Variants in RAB34 observed in about 807,000 individuals in gnomAD.
RAB34 encodes ras-related protein Rab-34.
Under a neutral mutation model 39.0 loss-of-function variants are expected in RAB34, and 33 were observed. The ratio of observed to expected loss-of-function variants is 0.85; its 90% CI spans 0.64 to 1.13. The LOEUF is 1.13. Among genes scored for constraint, RAB34 ranks in the 50% most tolerant of loss-of-function variants. The pLI is 0.00. For missense variants in RAB34, 289 were observed against 326.1 expected (o/e 0.89, Z 0.88); for synonymous variants, 135 against 125.1 (o/e 1.08, Z -0.53).
chr17:28,717,747 C>G lies in RAB34; in HGVS notation c.-481G>C, dbSNP rs2033784635. The G allele has an allele frequency of 1.5e-6, 2 of 1,328,350 alleles. No individual in the cohort carries two copies. The highest frequency in any genetic ancestry group is 3.1e-5 in the East Asian group (1 of 32,670). The allele number at this position is 1,328,350 out of a possible 1,614,324, so 82.3% of individuals were successfully genotyped here. A position where few individuals can be genotyped will look rare whatever the true frequency, so the allele number is the denominator to read the frequency against. On this transcript the variant is annotated 5_prime_UTR_variant, in exon 1 of 10. Coordinates refer to ENST00000395245, the MANE Select transcript of RAB34 (RefSeq NM_031934.6). Reference sequence around the variant, plus strand: ...GGGGGCGCGGAGCGGCCCCGCCACACGGGGTCAGTGTGGGCAGGGGCGGCG... The same window carrying G: ...GGGGGCGCGGAGCGGCCCCGCCACAGGGGGTCAGTGTGGGCAGGGGCGGCG...
Position 28,717,317 on chromosome 17 carries a change from G to T in RAB34, c.-51C>A. 6.4e-7 allele frequency: 1 copy of T among 1,550,766 alleles called. No homozygotes were observed. The highest frequency in any genetic ancestry group is 1.2e-5 in the South Asian group (1 of 85,390). On this transcript the variant is annotated 5_prime_UTR_variant, in exon 1 of 10. Transcript: ENST00000395245. ...CTGAGAAGGCGCCGAGGCCGGATCC[G>T]CGTCAGCGACCCGGGCGCGTGGAGA...
chr17:28,715,106 G>A lies in RAB34; in HGVS notation c.530C>T (p.Ala177Val), dbSNP rs766545423. The A allele has an allele frequency of 3.4e-5, 55 of 1,613,960 alleles. No homozygotes were observed. The highest frequency in any genetic ancestry group is 1.7e-4 in the Admixed American group (10 of 60,012). Reference protein sequence around the residue: ...KKDLSTPAQYALMEKDALQVA... With the variant: ...KKDLSTPAQYVLMEKDALQVA... ...CTGGAGGGCGTCTTTCTCCATCAGC[G>A]CATACTGAGCAGGGGTCTGAGGGAA... is the stretch of plus-strand genomic sequence containing the variant. The change falls in exon 8 of 10, where the codon GCG (alanine) becomes GTG (valine). Residue 177 changes from alanine (A) to valine (V), a missense_variant. Physicochemically the swap from Ala to Val is moderately conservative, Grantham distance 64. Coordinates refer to ENST00000395245, the MANE Select transcript of RAB34 (RefSeq NM_031934.6).
Position 28,717,724 on chromosome 17 carries a change from G to A in RAB34, c.-458C>T. On this transcript the variant is annotated 5_prime_UTR_variant, in exon 1 of 10. Coordinates refer to ENST00000395245, the MANE Select transcript of RAB34 (RefSeq NM_031934.6). ...GCCCTACCATTACAGAGCGGCCCGG[G>A]GGCGCGGAGCGGCCCCGCCACACGG... 2 of 1,324,998 alleles carry A rather than the reference G, an allele frequency of 1.5e-6. No homozygotes were observed. Among genetic ancestry groups the A allele is most frequent in the Non-Finnish European group, 1.9e-6 (2 of 1,042,252 alleles). The allele number at this position is 1,324,998 out of a possible 1,614,324, so 82.1% of individuals were successfully genotyped here.
At chr17:28,718,324 G>A, upstream of RAB34, 2 of 1,460,056 alleles carry the variant, frequency 1.4e-6, no homozygotes, top group East Asian at 2.7e-5. Flanking sequence ...GGATGGTGGA[G>A]GGGAAGCGTG....
At chr17:28,716,742 G>T in intron 2 of RAB34, 161 bp downstream of exon 2, 7 of 811,666 alleles carry the variant, frequency 8.6e-6, no homozygotes, top group Non-Finnish European at 1.3e-5. Flanking sequence ...CAACAACCTT[G>T]TTGGGAGAAA....
At chr17:28,717,911 C>T (rs2033815203), upstream of RAB34, 1 of 1,353,346 alleles carries the variant, frequency 7.4e-7, no homozygotes, top group Non-Finnish European at 9.4e-7. Context: ...CGCCCCCCGC[C>T]CCTCTCCTGG....
chr17:28,715,926 T>C (rs771388212), intron 3 of RAB34, 25 bp from the exon 4 acceptor site: 1 of 1,612,922 alleles, frequency 6.2e-7, no homozygotes. Context: ...GATGCTGTGA[T>C]CTGGAGCCAG....
intron 5 of RAB34, 30 bp from the exon 6 acceptor site, chr17:28,715,537 T>C: frequency 1.2e-6 from 2 of 1,614,118 alleles, no homozygotes; most frequent in Non-Finnish European, 1.7e-6. Flanking sequence ...AGCCCCAGGT[T>C]GACAGGGAAG....
rs1450713610 is a variant in RAB34, at chr17:28,715,273, C to T, written c.435G>A (p.Gln145=). Residue 145 remains glutamine (Q), a synonymous_variant, in exon 7 of 10, where the codon CAG becomes CAA. Transcript: ENST00000395245. ...TCTCCTTCAGGGCATCGGCCAGCCA[C>T]TGCCTGCCATGGGAGGTGGAAAGTA... ...NDVASLEHTK[Q]WLADALKEND... 14 of 1,613,056 alleles carry T rather than the reference C, an allele frequency of 8.7e-6. No homozygotes were observed. The highest frequency in any genetic ancestry group is 1.0e-5 in the Non-Finnish European group (12 of 1,179,736).
chr17:28,715,348 A>G (rs767372508), intron 6 of RAB34, 72 bp from the exon 7 acceptor site: 255 of 1,580,480 alleles, frequency 1.6e-4, no homozygotes, highest in Non-Finnish European at 2.1e-4. Flanking sequence ...CATAGGCCCA[A>G]TTACCCCCTC....
upstream of RAB34, chr17:28,717,939 G>GCCCCCCCCCCCCCCCCC: frequency 8.3e-7 from 1 of 1,206,612 alleles, no homozygotes; most frequent in South Asian, 2.1e-5. Flanking sequence ...AGGCCTCGCT[G>GCCCCCCCCCCCCCCCCC]CCCGCCCTCG....
In RAB34 at chr17:28,717,319, G is replaced by C. The variant is rs750050761; in HGVS notation, c.-53C>G. ...GAGAAGGCGCCGAGGCCGGATCCGCGTCAGCGACCCGGGCGCGTGGAGACC... is the reference window on the plus strand; with the variant it reads ...GAGAAGGCGCCGAGGCCGGATCCGCCTCAGCGACCCGGGCGCGTGGAGACC... On this transcript the variant is annotated 5_prime_UTR_variant, in exon 1 of 10. Coordinates refer to ENST00000395245, the MANE Select transcript of RAB34 (RefSeq NM_031934.6). 24 of 1,549,406 alleles carry C rather than the reference G, an allele frequency of 1.5e-5. No homozygotes were observed. In the South Asian group the frequency reaches 1.9e-4, roughly 12 times the overall value.
upstream of RAB34, chr17:28,718,146 C>A (rs375204292): frequency 1.7e-5 from 27 of 1,610,808 alleles, no homozygotes; most frequent in Non-Finnish European, 2.0e-5. Context: ...GATGGGGAAT[C>A]GGAGACTGCT....
At chr17:28,717,033 C>G in intron 1 of RAB34, 39 bp from the exon 2 acceptor site, 5 of 1,606,200 alleles carry the variant, frequency 3.1e-6, no homozygotes, top group Non-Finnish European at 4.3e-6. Context: ...GCTTCCTACT[C>G]CTGGCCCTTG....
chr17:28,716,165 G>T, intron 2 of RAB34, 107 bp from the exon 3 acceptor site: 1 of 1,519,712 alleles, frequency 6.6e-7, no homozygotes, highest in Non-Finnish European at 9.0e-7. Context: ...CCAGGCTGAG[G>T]GTATTATAGA....
At chr17:28,717,174 G>A in intron 1 of RAB34, 39 bp downstream of exon 1, 1 of 1,574,326 alleles carries the variant, frequency 6.4e-7, no homozygotes, top group Non-Finnish European at 8.6e-7. Flanking sequence ...CCCACACCCC[G>A]GGCTGTAGAC....
At chr17:28,715,932 G>T (rs2033341743) in intron 3 of RAB34, 31 bp from the exon 4 acceptor site, 1 of 1,611,906 alleles carries the variant, frequency 6.2e-7, no homozygotes. Context: ...GTGATCTGGA[G>T]CCAGCCCACC....
Position 28,715,901 on chromosome 17 carries a change from C to G in RAB34, c.213G>C (p.Arg71Ser). Reference sequence around the variant, plus strand: ...TCTTATCAAAGGTGTCTTTGCAGAACCTGAGAGGGTACCAGATGCTGTGAT... The same window carrying G: ...TCTTATCAAAGGTGTCTTTGCAGAAGCTGAGAGGGTACCAGATGCTGTGAT... The part of the protein sequence containing the change: ...LSVGKTCLIN[R>S]FCKDTFDKNY... Residue 71 changes from arginine (R) to serine (S), a missense_variant and splice_region_variant, in exon 4 of 10, where the codon AGG becomes AGC. By Grantham distance (110) the Arg-to-Ser change is moderately radical (BLOSUM62 -1). Coordinates refer to ENST00000395245, the MANE Select transcript of RAB34 (RefSeq NM_031934.6). 1 of 1,613,742 alleles carries G rather than the reference C, an allele frequency of 6.2e-7. No individual in the cohort carries two copies. The highest frequency in any genetic ancestry group is 2.2e-5 in the East Asian group (1 of 44,878).
At chr17:28,716,843 C>T (rs1030156193) in intron 2 of RAB34, 60 bp downstream of exon 2, 43 of 1,563,014 alleles carry the variant, frequency 2.8e-5, no homozygotes, top group Non-Finnish European at 3.5e-5. Flanking sequence ...TGTTTACCCT[C>T]GCTATGACTA....
Sources: gnomAD v4.1 joint callset for allele counts on GRCh38, gnomAD v4.1.1 for gene constraint, MANE v1.5 for transcripts, NCBI Gene and HGNC (gene_info 2026-07-23, HGNC 2026-07-21) for gene names.